The following NDUFA12 variants were observed in gnomAD, a reference collection of about 807,000 sequenced individuals.
NDUFA12 encodes NADH:ubiquinone oxidoreductase subunit A12.
Under a neutral mutation model 20.3 loss-of-function variants are expected in NDUFA12, and 17 were observed. The observed-to-expected ratio is 0.84, with a 90% confidence interval of 0.57 to 1.26. The LOEUF is 1.26. NDUFA12 is among the 50% of genes most tolerant of loss of function. The pLI, the probability that NDUFA12 is intolerant of heterozygous loss-of-function variation, is 0.00. For missense variants in NDUFA12, 191 were observed against 183.7 expected, an observed-to-expected ratio of 1.04 and a Z score of -0.23; for synonymous variants, 72 against 63.6, an observed-to-expected ratio of 1.13 and a Z score of -0.63.
chr12:95,001,498 C>T (rs1156820021), intron 2 of NDUFA12, among the ~76,000 whole-genome samples: 1 of 152,064 alleles, frequency 6.6e-6, no homozygotes, highest in Admixed American at 6.6e-5. Flanking sequence ...CATGGTGACA[C>T]ATGCCTGTAA....
intron 3 of NDUFA12, among the ~76,000 whole-genome samples, chr12:94,990,271 GAA>G (rs67946703): frequency 8.9e-5 from 13 of 146,286 alleles, no homozygotes; most frequent in Non-Finnish European, 4.5e-5. Context: ...ATAGAATGTG[GAA>G]AAAAAAAAAA....
intron 2 of NDUFA12, among the ~76,000 whole-genome samples, chr12:95,002,225 A>AG (rs1875065545): frequency 6.6e-6 from 1 of 150,952 alleles, no homozygotes; most frequent in Non-Finnish European, 1.5e-5. Flanking sequence ...GTGGATCACG[A>AG]GGTCAGGAGT....
chr12:94,993,488 G>A (rs563617099), intron 3 of NDUFA12, among the ~76,000 whole-genome samples: 15 of 151,176 alleles, frequency 9.9e-5, no homozygotes, highest in African/African-American at 3.2e-4. Context: ...AGCCAGGCGT[G>A]GTAGCATGAG....
intron 3 of NDUFA12, among the ~76,000 whole-genome samples, chr12:94,985,647 A>AAAAAAAAAAAC (rs59520700): frequency 6.6e-6 from 1 of 150,756 alleles, no homozygotes; most frequent in Non-Finnish European, 1.5e-5. Context: ...AAAAAAAAAA[A>AAAAAAAAAAAC]GCGGTTGGCA....
At chr12:94,989,074 T>C (rs1442212060) in intron 3 of NDUFA12, among the ~76,000 whole-genome samples, 1 of 152,188 alleles carries the variant, frequency 6.6e-6, no homozygotes, top group Admixed American at 6.5e-5. Flanking sequence ...TGTGGTTCCC[T>C]CTGCCTGGAA....
Position 95,002,809 on chromosome 12 carries a change from C to T in NDUFA12, c.99G>A (p.Ala33=), listed in dbSNP as rs746136497. The T allele has an allele frequency of 1.2e-6, 2 of 1,613,774 alleles. No individual in the cohort carries two copies. The highest frequency in any genetic ancestry group is 2.2e-5 in the East Asian group (1 of 44,850). Residue 33 remains alanine, a synonymous_variant, in exon 2 of 4, where the codon GCG becomes GCA. Transcript: ENST00000327772. ...CTTCCCCCACTAATGTACCAACCTT[C>T]GCATCATTTGTCCTGTGAATACCCA... ...YLRVFFRTND[A]KVGTLVGEDK...
intron 3 of NDUFA12, among the ~76,000 whole-genome samples, chr12:94,987,888 C>T (rs575536194): frequency 2.0e-5 from 3 of 150,430 alleles, no homozygotes; most frequent in African/African-American, 7.3e-5. Context: ...AAAATTCCCA[C>T]ATCAAAGATA....
At chr12:94,972,745 A>G (rs1471629968) in intron 3 of NDUFA12, among the ~76,000 whole-genome samples, 2 of 152,182 alleles carry the variant, frequency 1.3e-5, no homozygotes, top group East Asian at 1.9e-4. Flanking sequence ...TTCAGTCATA[A>G]GTGCTTAACA....
At chr12:95,003,476 G>A (rs1399307412) in intron 1 of NDUFA12, 119 bp downstream of exon 1, 15 of 1,069,360 alleles carry the variant, frequency 1.4e-5, no homozygotes, top group East Asian at 2.4e-5. Context: ...AGATTGGGGC[G>A]GTTGTCCTTG....
At chr12:94,986,422 T>C (rs1218288532) in intron 3 of NDUFA12, among the ~76,000 whole-genome samples, 1 of 152,088 alleles carries the variant, frequency 6.6e-6, no homozygotes, top group Non-Finnish European at 1.5e-5. Flanking sequence ...CACTGTATAT[T>C]TGGAAATTGC....
intron 3 of NDUFA12, among the ~76,000 whole-genome samples, chr12:94,977,622 G>A (rs7298902): frequency 6.6e-6 from 1 of 152,042 alleles, no homozygotes; most frequent in Non-Finnish European, 1.5e-5. Flanking sequence ...AAGCTATAAA[G>A]GAGTAGCAGA....
At chr12:94,989,984 TA>T (rs1874582346) in intron 3 of NDUFA12, among the ~76,000 whole-genome samples, 1 of 152,040 alleles carries the variant, frequency 6.6e-6, no homozygotes, top group South Asian at 2.1e-4. Context: ...ATCTCTCAGT[TA>T]AACAAAAACC....
chr12:94,983,736 C>T (rs7294376), intron 3 of NDUFA12, among the ~76,000 whole-genome samples: 132,245 of 152,110 alleles, frequency 0.87, 57,594 homozygotes, highest in Admixed American at 0.9. Flanking sequence ...TAGTCCAACC[C>T]CATCAACAGC....
intron 2 of NDUFA12, among the ~76,000 whole-genome samples, chr12:94,995,343 G>A (rs1166035714): frequency 1.3e-5 from 2 of 152,116 alleles, no homozygotes; most frequent in Non-Finnish European, 2.9e-5. Flanking sequence ...AGTGAGGCAG[G>A]GGAATGTGCA....
chr12:95,001,720 T>C (rs1285413018), intron 2 of NDUFA12, among the ~76,000 whole-genome samples: 1 of 152,192 alleles, frequency 6.6e-6, no homozygotes, highest in South Asian at 2.1e-4. Flanking sequence ...TTAATTCTTT[T>C]TTGAGATAAG....
intron 3 of NDUFA12, among the ~76,000 whole-genome samples, chr12:94,973,109 G>A (rs1322414070): frequency 6.6e-6 from 1 of 152,136 alleles, no homozygotes; most frequent in East Asian, 1.9e-4. Flanking sequence ...TAAAGCTAAT[G>A]AGAAAAAATT....
chr12:94,995,461 G>C (rs1446231947), intron 2 of NDUFA12, among the ~76,000 whole-genome samples: 1 of 152,034 alleles, frequency 6.6e-6, no homozygotes, highest in Non-Finnish European at 1.5e-5. Flanking sequence ...CTCTCTGTCT[G>C]TCTCTCTCTC....
At chr12:94,984,964 G>A (rs1191355077) in intron 3 of NDUFA12, among the ~76,000 whole-genome samples, 6 of 98,756 alleles carry the variant, frequency 6.1e-5, no homozygotes, top group South Asian at 3.4e-4. Flanking sequence ...GCAACAGAGC[G>A]AGACTCTATC....
intron 3 of NDUFA12, among the ~76,000 whole-genome samples, chr12:94,992,195 A>T (rs4923674): frequency 6.6e-6 from 1 of 152,042 alleles, no homozygotes; most frequent in South Asian, 2.1e-4. Flanking sequence ...TGAAACAGAT[A>T]TAAGTACTTT....
Sources: allele counts gnomAD v4.1 joint callset (sites outside exome capture counted in the v4.1 genomes callset), GRCh38; gene constraint gnomAD v4.1.1; transcripts MANE v1.5; gene names NCBI Gene and HGNC (gene_info 2026-07-23, HGNC 2026-07-21).